RGS7: variants seen among roughly 807,000 people sequenced by gnomAD.
The protein encoded by RGS7 is regulator of G protein signaling 7, also known as regulator of G-protein signaling 7.
In RGS7, 27 loss-of-function variants were observed where a neutral mutation model predicts 81.1. That is an observed-to-expected ratio of 0.33 (90% CI 0.25 to 0.46). The LOEUF (loss-of-function observed/expected upper bound fraction) is 0.46, where lower values mean the gene tolerates loss of function less well. Among genes scored for constraint, RGS7 ranks in the 20% least tolerant of loss-of-function variants. RGS7 has a pLI of 1.00. For missense variants in RGS7, 396 were observed against 607.4 expected, an observed-to-expected ratio of 0.65 and a Z score of 3.66; for synonymous variants, 208 against 207.7, an observed-to-expected ratio of 1.00 and a Z score of -0.01.
At chr1:240,796,296 C>T (rs557625641) in intron 18 of RGS7, among the ~76,000 whole-genome samples, 2 of 152,230 alleles carry the variant, frequency 1.3e-5, no homozygotes, top group South Asian at 2.1e-4. Flanking sequence ...TCTAAAGGAA[C>T]TAAGTGTTGT....
intron 2 of RGS7, among the ~76,000 whole-genome samples, chr1:241,102,351 C>A (rs547002025): frequency 6.6e-6 from 1 of 152,292 alleles, no homozygotes; most frequent in East Asian, 1.9e-4. Flanking sequence ...CCAGGGAAAC[C>A]CTGGAAGCTA....
At chr1:241,142,579 C>G (rs954457576) in intron 2 of RGS7, among the ~76,000 whole-genome samples, 2 of 152,196 alleles carry the variant, frequency 1.3e-5, no homozygotes, top group Non-Finnish European at 2.9e-5. Context: ...TCAGCCATGG[C>G]TGGAGTGGCT....
At chr1:241,179,464 T>C (rs1200938024) in intron 2 of RGS7, among the ~76,000 whole-genome samples, 2 of 152,158 alleles carry the variant, frequency 1.3e-5, no homozygotes, top group Non-Finnish European at 2.9e-5. Context: ...AGCCCTCCCA[T>C]TGGACATGCT....
chr1:241,129,910 T>A (rs184518026), intron 2 of RGS7, among the ~76,000 whole-genome samples: 1 of 152,202 alleles, frequency 6.6e-6, no homozygotes, highest in Admixed American at 6.5e-5. Context: ...GATCTAATAT[T>A]ATTTTAAAAT....
At chr1:241,126,475 G>A (rs1054382568) in intron 2 of RGS7, among the ~76,000 whole-genome samples, 3 of 152,074 alleles carry the variant, frequency 2.0e-5, no homozygotes, top group Non-Finnish European at 4.4e-5. Flanking sequence ...CTCTGTAATG[G>A]GGCATGGGAG....
At chr1:241,132,228 T>G (rs1230766871) in intron 2 of RGS7, 1 of 154,754 alleles carries the variant, frequency 6.5e-6, no homozygotes, top group Non-Finnish European at 1.5e-5. Flanking sequence ...GAGGCCCAAT[T>G]TTTTTCCAGG....
intron 2 of RGS7, among the ~76,000 whole-genome samples, chr1:241,128,049 TG>T (rs1398206368): frequency 6.9e-6 from 1 of 145,282 alleles, no homozygotes; most frequent in Admixed American, 6.9e-5. Context: ...GAGGCTGAGG[TG>T]GGTGGATCAC....
At chr1:240,877,486 G>A (rs1268914110) in intron 6 of RGS7, among the ~76,000 whole-genome samples, 2 of 151,956 alleles carry the variant, frequency 1.3e-5, no homozygotes, top group East Asian at 3.9e-4. Flanking sequence ...TATTTTAAGT[G>A]TGCTCAAAAC....
At chr1:241,270,145 C>T (rs1367604626) in intron 2 of RGS7, among the ~76,000 whole-genome samples, 2 of 152,166 alleles carry the variant, frequency 1.3e-5, no homozygotes, top group Admixed American at 6.5e-5. Flanking sequence ...GCTCTGCCCG[C>T]CTCCACTGGC....
At chr1:240,780,146 A>G (rs1683722692) in intron 18 of RGS7, among the ~76,000 whole-genome samples, 1 of 152,168 alleles carries the variant, frequency 6.6e-6, no homozygotes, top group Non-Finnish European at 1.5e-5. Context: ...AACAATTTAT[A>G]TTTAAAAAGT....
chr1:241,304,382 T>C (rs534284966), intron 2 of RGS7, among the ~76,000 whole-genome samples: 1 of 152,228 alleles, frequency 6.6e-6, no homozygotes, highest in South Asian at 2.1e-4. Flanking sequence ...ACTCTGGAAG[T>C]AGAGAGAAGC....
rs2083521648 is a variant in RGS7 at position 241,355,741 on chromosome 1, G to A, written c.36C>T (p.Asn12=). The A allele has an allele frequency of 1.2e-6, 2 of 1,614,102 alleles. No individual in the cohort carries two copies. The highest frequency in any genetic ancestry group is 2.2e-5 in the East Asian group (1 of 44,870). The change falls in exon 2 of 19, where the codon AAC becomes AAT. Residue 12 remains asparagine, a synonymous_variant. Transcript: ENST00000440928. ...AQGNNYGQTS[N]GVADESPNML... is the part of the protein sequence containing the mutation. ...TGTTGGGTGATTCATCGGCCACCCC[G>A]TTGCTGGTCTGCCCATAATTATTCC...
chr1:240,870,698 G>T (rs1664329834), intron 6 of RGS7, among the ~76,000 whole-genome samples: 1 of 151,922 alleles, frequency 6.6e-6, no homozygotes, highest in Non-Finnish European at 1.5e-5. Flanking sequence ...ACAAATAAGA[G>T]GAGAAAACAA....
intron 2 of RGS7, among the ~76,000 whole-genome samples, chr1:241,130,927 C>CAAA (rs11365447): frequency 1.5e-3 from 138 of 90,174 alleles, no homozygotes; most frequent in African/African-American, 4.7e-3. Flanking sequence ...GGCTTAATTA[C>CAAA]AAAAAAAAAA....
At chr1:240,933,028 C>T (rs1183711969) in intron 5 of RGS7, among the ~76,000 whole-genome samples, 42 of 148,836 alleles carry the variant, frequency 2.8e-4, no homozygotes, top group African/African-American at 5.4e-4. Context: ...GGACTACAGG[C>T]GCCCGCACCA....
At chr1:240,849,989 G>C (rs1458767523) in intron 9 of RGS7, among the ~76,000 whole-genome samples, 3 of 152,210 alleles carry the variant, frequency 2.0e-5, no homozygotes, top group Non-Finnish European at 2.9e-5. Flanking sequence ...AAGGTGTTGT[G>C]ATAAAGAGTA....
rs10716646 is a variant in RGS7 at position 241,299,820 on chromosome 1, TAA to T, written c.78+55877_78+55878del. 3.4e-3 allele frequency among the ~76,000 whole-genome samples: 488 copies of T among 142,906 alleles called. 3 individuals are homozygous for T. Among genetic ancestry groups the T allele is most frequent in the African/African-American group, 5.2e-3 (201 of 38,890 alleles). The allele number at this position is 142,906 out of a possible 152,430, so 93.8% of individuals were successfully genotyped here. ...TCTCGTCCCAGTTTTATTAGGCCTT[TAA>T]AAAAAAAAAAAGGCTGGGCACAGTT... On this transcript the variant is annotated intron_variant, in intron 2 of 18. Coordinates refer to ENST00000440928, the MANE Select transcript of RGS7 (RefSeq NM_001364886.1).
At chr1:241,130,947 C>G (rs1402551748) in intron 2 of RGS7, among the ~76,000 whole-genome samples, 1 of 130,088 alleles carries the variant, frequency 7.7e-6, no homozygotes, top group Non-Finnish European at 1.5e-5. Context: ...AAAAAAAAAC[C>G]AAGAGGCCAG....
chr1:240,970,137 T>C (rs113011184), intron 4 of RGS7, among the ~76,000 whole-genome samples: 1,811 of 152,274 alleles, frequency 0.012, 45 homozygotes, highest in African/African-American at 0.041. Flanking sequence ...GGAGACCCAA[T>C]TGATTAATGC....
Sources: allele counts gnomAD v4.1 joint callset (sites outside exome capture counted in the v4.1 genomes callset), GRCh38; gene constraint gnomAD v4.1.1; transcripts MANE v1.5; gene names NCBI Gene and HGNC (gene_info 2026-07-23, HGNC 2026-07-21).